Variants in GRIN2A observed in about 807,000 individuals in gnomAD.
GRIN2A encodes glutamate ionotropic receptor NMDA type subunit 2A.
Under a neutral mutation model 113.4 loss-of-function variants are expected in GRIN2A, and 22 were observed. The ratio of observed to expected loss-of-function variants is 0.19; its 90% CI spans 0.14 to 0.28. The LOEUF (loss-of-function observed/expected upper bound fraction) is 0.28, where lower values mean the gene tolerates loss of function less well. GRIN2A is among the 10% of genes least tolerant of loss of function. The pLI is 1.00. For missense variants in GRIN2A, 1,502 were observed against 1,887.0 expected, an observed-to-expected ratio of 0.80 and a Z score of 3.78; for synonymous variants, 827 against 738.4, an observed-to-expected ratio of 1.12 and a Z score of -1.94.
chr16:10,144,847 G>C (rs1007654821), intron 2 of GRIN2A, among the ~76,000 whole-genome samples: 1 of 149,402 alleles, frequency 6.7e-6, no homozygotes, highest in Non-Finnish European at 1.5e-5. Flanking sequence ...CTTGTACCCA[G>C]GAGGCGGAGA....
At chr16:9,949,555 A>G (rs1047666056) in intron 2 of GRIN2A, among the ~76,000 whole-genome samples, 8 of 151,634 alleles carry the variant, frequency 5.3e-5, no homozygotes, top group Admixed American at 2.6e-4. Context: ...TGGGAGGATG[A>G]ATGAATGAAT....
intron 2 of GRIN2A, among the ~76,000 whole-genome samples, chr16:10,073,729 C>T (rs145310323): frequency 0.012 from 1,813 of 150,612 alleles, 22 homozygotes; most frequent in Middle Eastern, 0.034. Flanking sequence ...CATGGTGAAA[C>T]CGCATCTCTA....
At chr16:9,864,343 A>G (rs984704087) in intron 4 of GRIN2A, among the ~76,000 whole-genome samples, 2 of 152,096 alleles carry the variant, frequency 1.3e-5, no homozygotes, top group Admixed American at 6.6e-5. Context: ...AAAGCCTTTT[A>G]TTTATTGTGA....
chr16:9,904,303 T>C (rs553690369), intron 3 of GRIN2A, among the ~76,000 whole-genome samples: 1 of 152,356 alleles, frequency 6.6e-6, no homozygotes, highest in Non-Finnish European at 1.5e-5. Flanking sequence ...CAGAAGGCTG[T>C]CTTCCTAAAG....
intron 3 of GRIN2A, among the ~76,000 whole-genome samples, chr16:9,903,306 C>A (rs1221231720): frequency 6.6e-6 from 1 of 152,108 alleles, no homozygotes; most frequent in Non-Finnish European, 1.5e-5. Context: ...TGTGACAGCA[C>A]TTAGCAATAC....
intron 2 of GRIN2A, among the ~76,000 whole-genome samples, chr16:10,095,893 A>G (rs1596500293): frequency 6.6e-6 from 1 of 152,354 alleles, no homozygotes; most frequent in South Asian, 2.1e-4. Flanking sequence ...TGAAAGAAAT[A>G]GGGCAAAATG....
At chr16:10,115,514 GC>G (rs536010038) in intron 2 of GRIN2A, among the ~76,000 whole-genome samples, 2 of 152,070 alleles carry the variant, frequency 1.3e-5, no homozygotes, top group Non-Finnish European at 2.9e-5. Context: ...TGGGGCCTGC[GC>G]CCCCCCATAA....
intron 3 of GRIN2A, among the ~76,000 whole-genome samples, chr16:9,897,221 A>ATGTACATATATTATATATAT (rs60188583): frequency 4.7e-5 from 7 of 149,266 alleles, no homozygotes; most frequent in African/African-American, 1.7e-4. Flanking sequence ...TTATATATAT[A>ATGTACATATATTATATATAT]AAAAAATACA....
chr16:9,869,858 C>T (rs1038606951), intron 4 of GRIN2A, among the ~76,000 whole-genome samples: 1 of 152,200 alleles, frequency 6.6e-6, no homozygotes, highest in Non-Finnish European at 1.5e-5. Context: ...GTCTGGCCCA[C>T]AGAAGGTATT....
intron 2 of GRIN2A, among the ~76,000 whole-genome samples, chr16:10,074,454 T>G (rs146403860): frequency 6.6e-6 from 1 of 152,224 alleles, no homozygotes; most frequent in African/African-American, 2.4e-5. Context: ...GCATTACTGA[T>G]AGCAGCCAAA....
At chr16:9,960,330 A>AT (rs1204540596) in intron 2 of GRIN2A, among the ~76,000 whole-genome samples, 1 of 152,262 alleles carries the variant, frequency 6.6e-6, no homozygotes, top group African/African-American at 2.4e-5. Context: ...AAATAAACAG[A>AT]TAAAAAACTA....
chr16:9,882,357 T>C (rs2043497560), intron 4 of GRIN2A, among the ~76,000 whole-genome samples: 2 of 152,202 alleles, frequency 1.3e-5, no homozygotes, highest in Non-Finnish European at 2.9e-5. Flanking sequence ...ATCATAGCTT[T>C]TGTAAGATCT....
intron 10 of GRIN2A, among the ~76,000 whole-genome samples, chr16:9,799,577 A>G (rs562532086): frequency 6.6e-6 from 1 of 152,360 alleles, no homozygotes; most frequent in Non-Finnish European, 1.5e-5. Context: ...GTGTAAACAA[A>G]CGAACTTTGC....
chr16:10,054,433 A>T (rs1267352439), intron 2 of GRIN2A, among the ~76,000 whole-genome samples: 1 of 152,256 alleles, frequency 6.6e-6, no homozygotes, highest in East Asian at 1.9e-4. Context: ...GCAACTTTTC[A>T]TTCCTTGCTG....
At chr16:9,963,208 A>G (rs1037252046) in intron 2 of GRIN2A, among the ~76,000 whole-genome samples, 2 of 151,676 alleles carry the variant, frequency 1.3e-5, no homozygotes, top group African/African-American at 2.4e-5. Context: ...AACATGGCAC[A>G]TGTATACATA....
chr16:9,981,276 A>G (rs1488325150), intron 2 of GRIN2A, among the ~76,000 whole-genome samples: 1 of 152,212 alleles, frequency 6.6e-6, no homozygotes, highest in Non-Finnish European at 1.5e-5. Flanking sequence ...ATCATGTCTC[A>G]AGGTAATTGG....
At chr16:9,835,415 A>C (rs2042568900) in intron 7 of GRIN2A, among the ~76,000 whole-genome samples, 3 of 152,214 alleles carry the variant, frequency 2.0e-5, no homozygotes, top group Admixed American at 2.0e-4. Context: ...AAGGTAAGAA[A>C]TATTATGTAA....
At chr16:10,109,345 GAA>G (rs35123641) in intron 2 of GRIN2A, among the ~76,000 whole-genome samples, 119 of 146,590 alleles carry the variant, frequency 8.1e-4, no homozygotes, top group Middle Eastern at 3.4e-3. Context: ...AACATTTAAG[GAA>G]AAAAAAAAAA....
In GRIN2A at chr16:9,938,320, G is replaced by T; in HGVS notation, c.646C>A (p.Gln216Lys). ...GAGTGGATCTTCTTCAGCTGGACTT[G>T]TGTCTTTGCATCCTCAAAGGAAGTG... ...LDTSFEDAKT[Q>K]VQLKKIHSSV... The change falls in exon 3 of 13, where the codon CAA (glutamine) becomes AAA (lysine). Residue 216 changes from glutamine to lysine, a missense_variant. Gln to Lys is a moderately conservative substitution (Grantham distance 53, BLOSUM62 1). Transcript: ENST00000330684. The T allele has an allele frequency of 6.2e-7, 1 of 1,613,822 alleles. No homozygotes were observed. The highest frequency in any genetic ancestry group is 8.5e-7 in the Non-Finnish European group (1 of 1,179,722).
Sources: gnomAD v4.1 joint callset for allele counts (sites outside exome capture counted in the v4.1 genomes callset) on GRCh38, gnomAD v4.1.1 for gene constraint, MANE v1.5 for transcripts, NCBI Gene and HGNC (gene_info 2026-07-23, HGNC 2026-07-21) for gene names.